The following SLC4A3 variants were observed in gnomAD, a reference collection of about 807,000 sequenced individuals.
SLC4A3 encodes solute carrier family 4 member 3.
In SLC4A3, 47 loss-of-function variants were observed where a neutral mutation model predicts 114.2. The observed-to-expected ratio is 0.41, with a 90% CI of 0.33 to 0.52. The LOEUF (loss-of-function observed/expected upper bound fraction) is 0.52, where lower values mean the gene tolerates loss of function less well. Among genes scored for constraint, SLC4A3 ranks in the 20% least tolerant of loss-of-function variants. The probability of loss-of-function intolerance (pLI) is 0.21; values close to 1 mark genes in which losing one functional copy is unlikely to be tolerated. For missense variants in SLC4A3, 1,312 were observed against 1,668.3 expected (o/e 0.79, Z 3.72); for synonymous variants, 693 against 710.3 (o/e 0.98, Z 0.39).
rs111434009 is a variant in SLC4A3, at chr2:219,636,333, C to T, written c.2223C>T (p.Ser741=). The part of the protein sequence containing the change: ...GEKTEGLMGV[S]ELIVSTAVLG... ...AGACCGAGGGGCTGATGGGCGTGTCCGAGCTGATCGTGTCCACCGCTGTGC... is the reference window on the plus strand; with the variant it reads ...AGACCGAGGGGCTGATGGGCGTGTCTGAGCTGATCGTGTCCACCGCTGTGC... Residue 741 remains serine, a synonymous_variant, in exon 15 of 23, where the codon TCC becomes TCT. Transcript: ENST00000358055. This position sits in a 1 kb window ranked among gnomAD's most constrained non-coding sequence, Gnocchi z 5.5. 1.2e-3 allele frequency: 1,858 copies of T among 1,613,776 alleles called. 21 individuals carry two copies. The African/African-American group carries it at 0.021, about 18-fold the overall frequency.
chr2:219,634,650 T>G, intron 12 of SLC4A3, 46 bp downstream of exon 12: 1 of 1,586,302 alleles, frequency 6.3e-7, no homozygotes, highest in South Asian at 1.1e-5. Flanking sequence ...TAGGCCCTGC[T>G]TACCCCTGTC....
intron 20 of SLC4A3, 40 bp from the exon 21 acceptor site, chr2:219,640,390 G>A (rs1225032282): frequency 3.2e-6 from 5 of 1,586,982 alleles, no homozygotes; most frequent in East Asian, 2.2e-5. Flanking sequence ...CCTCACGGGG[G>A]CTGTCTGAGG....
rs1247734537 is a variant in SLC4A3 at position 219,637,268 on chromosome 2, T to C, written c.2536-313T>C. Among the ~76,000 whole-genome samples, 2 of 151,328 alleles carry C rather than the reference T, an allele frequency of 1.3e-5. No homozygotes were observed. The highest frequency in any genetic ancestry group is 6.6e-5 in the Admixed American group (1 of 15,192). On this transcript the variant is annotated intron_variant, in intron 16 of 22. Coordinates refer to ENST00000358055, the MANE Select transcript of SLC4A3 (RefSeq NM_005070.4). The surrounding 1 kb of genome is among the most constrained non-coding windows in gnomAD (Gnocchi z 4.6). The stretch of plus-strand genomic sequence containing the variant: ...GTGTGATGTATGTGTTGTGTGTGTG[T>C]GCGTGTGTGTGCCTGTGTGTGCATG...
Position 219,636,203 on chromosome 2 carries a change from C to A in SLC4A3, c.2192-99C>A. ...CCCTGTGTGTCACTCTAAGGGGCTG[C>A]TCTGCTTTTGTTGGGGGCCCCAGTT... On this transcript the variant is annotated intron_variant, in intron 14 of 22. Coordinates refer to ENST00000358055, the MANE Select transcript of SLC4A3 (RefSeq NM_005070.4). The surrounding 1 kb of genome is among the most constrained non-coding windows in gnomAD (Gnocchi z 5.5). 7.1e-7 allele frequency: 1 copy of A among 1,402,902 alleles called. No homozygotes were observed. The allele number at this position is 1,402,902 out of a possible 1,614,324, so 86.9% of individuals were successfully genotyped here. A position where few individuals can be genotyped will look rare whatever the true frequency, so the allele number is the denominator to read the frequency against.
rs375778512 is a variant in SLC4A3 at position 219,634,666 on chromosome 2, T to C, written c.1746+62T>C. 298 of 1,541,612 alleles carry C rather than the reference T, an allele frequency of 1.9e-4. 1 individual carries two copies. The African/African-American group carries it at 3.7e-3, about 19-fold the overall frequency. On this transcript the variant is annotated intron_variant, in intron 12 of 22. Coordinates refer to ENST00000358055, the MANE Select transcript of SLC4A3 (RefSeq NM_005070.4). The stretch of plus-strand genomic sequence containing the variant: ...AGGCCCTGCTTACCCCTGTCCCTCA[T>C]TGTCCACAGTGGTGCCCATAGAGGC...
At chr2:219,640,300 C>A in intron 20 of SLC4A3, 130 bp from the exon 21 acceptor site, 2 of 908,898 alleles carry the variant, frequency 2.2e-6, no homozygotes, top group Non-Finnish European at 3.2e-6. Flanking sequence ...TCCATGTCGC[C>A]TCCCCCCAGG....
In SLC4A3 at chr2:219,637,177, T is replaced by C. The variant is rs185064955; in HGVS notation, c.2535+303T>C. On this transcript the variant is annotated intron_variant, in intron 16 of 22. Coordinates refer to ENST00000358055, the MANE Select transcript of SLC4A3 (RefSeq NM_005070.4). The surrounding 1 kb of genome is among the most constrained non-coding windows in gnomAD (Gnocchi z 4.6). Reference sequence around the variant, plus strand: ...TGCTAAGGGGCTGGGTGTCCTTGGGTCACCTTTTGTAGAGGAGTGTGTGTG... The same window carrying C: ...TGCTAAGGGGCTGGGTGTCCTTGGGCCACCTTTTGTAGAGGAGTGTGTGTG... Among the ~76,000 whole-genome samples, 1 of 150,350 alleles carries C rather than the reference T, an allele frequency of 6.7e-6. No individual in the cohort carries two copies. The highest frequency in any genetic ancestry group is 1.9e-4 in the East Asian group (1 of 5,132).
At chr2:219,640,401 G>A (rs1268201746) in intron 20 of SLC4A3, 29 bp from the exon 21 acceptor site, 2 of 1,598,080 alleles carry the variant, frequency 1.3e-6, no homozygotes, top group Non-Finnish European at 1.7e-6. Flanking sequence ...CTGTCTGAGG[G>A]TCAGGCGGGT....
Position 219,637,462 on chromosome 2 carries a change from ATT to A in SLC4A3, c.2536-118_2536-117del. The A allele has an allele frequency of 3.2e-6, 2 of 619,906 alleles. No individual in the cohort carries two copies. The highest frequency in any genetic ancestry group is 5.8e-6 in the Non-Finnish European group (2 of 342,016). The allele number at this position is 619,906 out of a possible 1,614,324, so 38.4% of individuals were successfully genotyped here. ...GTGTGGTGCAGCTGGATGTCCGTGC[ATT>A]ACTGTTGTCTGACCAGGTATTGAGG... is the stretch of plus-strand genomic sequence containing the variant. On this transcript the variant is annotated intron_variant, in intron 16 of 22. Coordinates refer to ENST00000358055, the MANE Select transcript of SLC4A3 (RefSeq NM_005070.4). The surrounding 1 kb of genome is among the most constrained non-coding windows in gnomAD (Gnocchi z 4.6).
At position 219,641,017 on chromosome 2, in the gene SLC4A3, C is replaced by T. The variant is rs1174847142; in HGVS notation, c.3621+55C>T. 6.5e-7 allele frequency: 1 copy of T among 1,536,268 alleles called. No individual in the cohort carries two copies. The highest frequency in any genetic ancestry group is 1.4e-5 in the African/African-American group (1 of 73,410). On this transcript the variant is annotated intron_variant, in intron 22 of 22. Transcript: ENST00000358055. The surrounding 1 kb of genome is among the most constrained non-coding windows in gnomAD (Gnocchi z 4.0). ...GTTAGGGCAAATGGGCACTGGGTTC[C>T]AATCTCTGTTTGGCCACCCACTAGT...
rs1458628848 is a variant in SLC4A3 at position 219,631,512 on chromosome 2, C to T, written c.812-456C>T. On this transcript the variant is annotated intron_variant, in intron 6 of 22. Coordinates refer to ENST00000358055, the MANE Select transcript of SLC4A3 (RefSeq NM_005070.4). The surrounding 1 kb of genome is among the most constrained non-coding windows in gnomAD (Gnocchi z 6.3). Reference sequence around the variant, plus strand: ...CTGCTGCTGGCCTGGGTGGGGCAGACAGGAGGAAGGGAGCGAAGCCCTGCC... The same window carrying T: ...CTGCTGCTGGCCTGGGTGGGGCAGATAGGAGGAAGGGAGCGAAGCCCTGCC... 6 of 1,281,034 alleles carry T rather than the reference C, an allele frequency of 4.7e-6. No homozygotes were observed. The highest frequency in any genetic ancestry group is 6.2e-6 in the Non-Finnish European group (6 of 973,862). 79.4% of individuals were successfully genotyped at this position (1,281,034 alleles called of 1,614,324 possible). A position where few individuals can be genotyped will look rare whatever the true frequency, so the allele number is the denominator to read the frequency against.
rs182645738 is a variant in SLC4A3, at chr2:219,632,703, G to A, written c.1142-171G>A. Among the ~76,000 whole-genome samples, 255 of 152,326 alleles carry A rather than the reference G, an allele frequency of 1.7e-3. 4 individuals carry two copies. The highest frequency in any genetic ancestry group is 3.1e-3 in the Non-Finnish European group (209 of 68,018). On this transcript the variant is annotated intron_variant, in intron 8 of 22. Transcript: ENST00000358055. Reference sequence around the variant, plus strand: ...CCTCGTTTCCATGCTCCATTTTCACGGCCCCTCTCTGACTGGCCTGTGGCA... The same window carrying A: ...CCTCGTTTCCATGCTCCATTTTCACAGCCCCTCTCTGACTGGCCTGTGGCA...
chr2:219,631,589 G>T lies in SLC4A3; in HGVS notation c.812-379G>T. On this transcript the variant is annotated intron_variant, in intron 6 of 22. Coordinates refer to ENST00000358055, the MANE Select transcript of SLC4A3 (RefSeq NM_005070.4). The surrounding 1 kb of genome is among the most constrained non-coding windows in gnomAD (Gnocchi z 6.3). The stretch of plus-strand genomic sequence containing the variant: ...GGGAGGGGACGTGGGTGTTGAGATA[G>T]GGTGCACGGAAAATGTTGGGGGCTC... The T allele has an allele frequency of 1.2e-6, 1 of 849,884 alleles. No homozygotes were observed. The highest frequency in any genetic ancestry group is 1.6e-6 in the Non-Finnish European group (1 of 617,426). The allele number at this position is 849,884 out of a possible 1,614,324, so 52.6% of individuals were successfully genotyped here.
In SLC4A3 at chr2:219,630,342, C is replaced by G. The variant is rs570377197; in HGVS notation, c.801C>G (p.Asp267Glu). 5.0e-6 allele frequency: 8 copies of G among 1,603,982 alleles called. No homozygotes were observed. In the South Asian group the frequency reaches 7.7e-5, roughly 15 times the overall value. ...AGATGCTGGGTTCTGCAGACCTGGA[C>G]GACATGAAGAGTGAGTGAGACCTTG... is the stretch of plus-strand genomic sequence containing the variant. Reference protein sequence around the residue: ...EAQMLGSADLDDMKSHRLEDN... With the variant: ...EAQMLGSADLEDMKSHRLEDN... Residue 267 changes from aspartate to glutamate, a missense_variant, in exon 6 of 23, where the codon GAC becomes GAG. Around this residue, in one of 4 missense-constraint regions of SLC4A3, gnomAD observed 771 missense variants for 977.7 expected, o/e 0.79. Transcript: ENST00000358055. The surrounding 1 kb of genome is among the most constrained non-coding windows in gnomAD (Gnocchi z 6.9).
chr2:219,632,353 TGGA>T lies in SLC4A3; in HGVS notation c.1060_1062del (p.Glu354del). ...CGCTGGATCAAGTTTGAGGAGGACG[TGGA>T]GGAGGAGACGGAGCGCTGGGGGAAG... is the stretch of plus-strand genomic sequence containing the variant. On this transcript the variant is annotated inframe_deletion, in exon 8 of 23. Transcript: ENST00000358055. 6.2e-7 allele frequency: 1 copy of T among 1,614,046 alleles called. No homozygotes were observed. Among genetic ancestry groups the T allele is most frequent in the Non-Finnish European group, 8.5e-7 (1 of 1,179,976 alleles).
At position 219,633,963 on chromosome 2, in the gene SLC4A3, C is replaced by T; in HGVS notation, c.1545C>T (p.Ala515=). ...AGAAGATCCCTGAAGATGCTGAGGCCACGGTTGTGCTTGTGGGTGAGGAGG... is the reference window on the plus strand; with the variant it reads ...AGAAGATCCCTGAAGATGCTGAGGCTACGGTTGTGCTTGTGGGTGAGGAGG... ...LLEKIPEDAE[A]TVVLVGCVPF... Residue 515 remains alanine, a synonymous_variant, in exon 11 of 23, where the codon GCC becomes GCT. Transcript: ENST00000358055. The T allele has an allele frequency of 6.4e-7, 1 of 1,555,584 alleles. No homozygotes were observed. The highest frequency in any genetic ancestry group is 8.7e-7 in the Non-Finnish European group (1 of 1,148,966).
Position 219,627,923 on chromosome 2 carries a change from T to C in SLC4A3, c.-70T>C, listed in dbSNP as rs1029890989. The C allele has an allele frequency of 1.9e-5, 25 of 1,334,474 alleles. No individual in the cohort carries two copies. The highest frequency in any genetic ancestry group is 7.5e-5 in the Admixed American group (4 of 53,100). 82.7% of individuals were successfully genotyped at this position (1,334,474 alleles called of 1,614,324 possible). A position where few individuals can be genotyped will look rare whatever the true frequency, so the allele number is the denominator to read the frequency against. Reference sequence around the variant, plus strand: ...AGGGCTCCCCGCTAGGCCCCCTCAGTGGCCCCTCCTTCTCACCTGGGTCTC... The same window carrying C: ...AGGGCTCCCCGCTAGGCCCCCTCAGCGGCCCCTCCTTCTCACCTGGGTCTC... On this transcript the variant is annotated 5_prime_UTR_variant, in exon 2 of 23. Coordinates refer to ENST00000358055, the MANE Select transcript of SLC4A3 (RefSeq NM_005070.4).
chr2:219,641,501 G>T lies in SLC4A3; in HGVS notation c.3622-150G>T, dbSNP rs553828958. 31 of 661,244 alleles carry T rather than the reference G, an allele frequency of 4.7e-5. No individual in the cohort carries two copies. Among genetic ancestry groups the T allele is most frequent in the Admixed American group, 4.5e-4 (20 of 44,238 alleles). 41.0% of individuals were successfully genotyped at this position (661,244 alleles called of 1,614,324 possible). On this transcript the variant is annotated intron_variant, in intron 22 of 22. Transcript: ENST00000358055. The surrounding 1 kb of genome is among the most constrained non-coding windows in gnomAD (Gnocchi z 4.0). ...AGGTGACCTGAAGGCTTTGGCCAAG[G>T]GCAGTGCTGCCACCCAGGGTCATGG...
At position 219,637,349 on chromosome 2, in the gene SLC4A3, GT is replaced by G. The variant is rs1015494333; in HGVS notation, c.2536-224del. On this transcript the variant is annotated intron_variant, in intron 16 of 22. Transcript: ENST00000358055. The surrounding 1 kb of genome is among the most constrained non-coding windows in gnomAD (Gnocchi z 4.6). ...GTGTGGTGTGTATGTGGTATGTTGTGTTTTTTTTGTGTTGTATGTGTTATGT... is the reference window on the plus strand; with the variant it reads ...GTGTGGTGTGTATGTGGTATGTTGTGTTTTTTTGTGTTGTATGTGTTATGT... Among the ~76,000 whole-genome samples the G allele has an allele frequency of 7.2e-4, 109 of 151,196 alleles. No individual in the cohort carries two copies. The highest frequency in any genetic ancestry group is 2.1e-3 in the African/African-American group (85 of 41,212).
Sources: gnomAD v4.1 joint callset for allele counts (sites outside exome capture counted in the v4.1 genomes callset) on GRCh38, gnomAD v4.1.1 for gene constraint, gnomAD v4.1.1 regional missense constraint, Gnocchi (gnomAD v3.1) non-coding constraint, MANE v1.5 for transcripts, NCBI Gene and HGNC (gene_info 2026-07-23, HGNC 2026-07-21) for gene names.